SINHCAF: variants seen among roughly 807,000 people sequenced by gnomAD.
SINHCAF encodes the protein SIN3-HDAC complex-associated factor.
Under a neutral mutation model 25.8 loss-of-function variants are expected in SINHCAF, and 3 were observed. The ratio of observed to expected loss-of-function variants is 0.12; its 90% CI spans 0.05 to 0.30. The LOEUF (loss-of-function observed/expected upper bound fraction) is 0.30. Ranked by LOEUF, SINHCAF falls within the 10% of genes least tolerant of loss-of-function variation. SINHCAF has a pLI of 1.00. For synonymous variants in SINHCAF, 70 were observed against 85.5 expected, an observed-to-expected ratio of 0.82 and a Z score of 1.00; for missense variants, 121 against 262.3, an observed-to-expected ratio of 0.46 and a Z score of 3.72.
intron 1 of SINHCAF, among the ~76,000 whole-genome samples, chr12:31,321,024 C>T (rs1004888885): frequency 1.3e-5 from 2 of 152,192 alleles, no homozygotes; most frequent in Admixed American, 1.3e-4. Flanking sequence ...TATGTAACAG[C>T]GGTGTACCTG....
intron 5 of SINHCAF, among the ~76,000 whole-genome samples, chr12:31,286,005 CA>C (rs1278581755): frequency 6.6e-6 from 1 of 150,878 alleles, no homozygotes; most frequent in African/African-American, 2.4e-5. Flanking sequence ...TAAATAAATG[CA>C]AACAAAGTGG....
chr12:31,282,029 G>A lies in SINHCAF; in HGVS notation c.*683C>T, dbSNP rs1350948506. 1.3e-5 allele frequency: 2 copies of A among 152,502 alleles called. No individual in the cohort carries two copies. The highest frequency in any genetic ancestry group is 4.8e-5 in the African/African-American group (2 of 41,398). The allele number at this position is 152,502 out of a possible 1,614,324, so 9.4% of individuals were successfully genotyped here. A position where few individuals can be genotyped will look rare whatever the true frequency, so the allele number is the denominator to read the frequency against. On this transcript the variant is annotated 3_prime_UTR_variant, in exon 6 of 6. Transcript: ENST00000337682. Reference sequence around the variant, plus strand: ...CCTCTAGGGGCAAGTTCATGTTACTGAGTTATGACAAATTTATTATCATGA... The same window carrying A: ...CCTCTAGGGGCAAGTTCATGTTACTAAGTTATGACAAATTTATTATCATGA...
intron 1 of SINHCAF, among the ~76,000 whole-genome samples, chr12:31,320,768 A>G (rs1939666506): frequency 6.6e-6 from 1 of 152,106 alleles, no homozygotes; most frequent in Admixed American, 6.5e-5. Flanking sequence ...TTGCAGGAAA[A>G]AAAACCTGAG....
chr12:31,289,460 A>G (rs1053074859), intron 4 of SINHCAF, among the ~76,000 whole-genome samples: 1 of 152,252 alleles, frequency 6.6e-6, no homozygotes, highest in Non-Finnish European at 1.5e-5. Flanking sequence ...TCCTGATTTA[A>G]TAAGGAATAA....
chr12:31,316,680 GAA>G (rs1272613141), intron 1 of SINHCAF, among the ~76,000 whole-genome samples: 1 of 152,128 alleles, frequency 6.6e-6, no homozygotes, highest in Non-Finnish European at 1.5e-5. Flanking sequence ...CGCTATTTAA[GAA>G]AAGTTTTCTG....
Position 31,321,456 on chromosome 12 carries a change from G to A in SINHCAF, c.-21+4568C>T, listed in dbSNP as rs60364447. Among the ~76,000 whole-genome samples, 925 of 152,258 alleles carry A rather than the reference G, an allele frequency of 6.1e-3. 13 individuals are homozygous for A. Among genetic ancestry groups the A allele is most frequent in the African/African-American group, 0.021 (878 of 41,558 alleles). On this transcript the variant is annotated intron_variant, in intron 1 of 5. Coordinates refer to ENST00000337682, the MANE Select transcript of SINHCAF (RefSeq NM_001135812.2). ...ATTTACTTAATGTTTCCCCAGAAACGATAACTGACACAGGCCTCAGTTTTA... is the reference window on the plus strand; with the variant it reads ...ATTTACTTAATGTTTCCCCAGAAACAATAACTGACACAGGCCTCAGTTTTA...
intron 4 of SINHCAF, among the ~76,000 whole-genome samples, chr12:31,290,064 G>A (rs1336207263): frequency 1.3e-5 from 2 of 152,114 alleles, no homozygotes; most frequent in African/African-American, 4.8e-5. Flanking sequence ...CTAGCCTCAA[G>A]CGATCCTCCC....
intron 4 of SINHCAF, 82 bp from the exon 5 acceptor site, chr12:31,287,866 TGAAA>T (rs1228444516): frequency 2.1e-6 from 2 of 963,006 alleles, no homozygotes; most frequent in Non-Finnish European, 2.9e-6. Flanking sequence ...TAAGACACTG[TGAAA>T]GAGTTGGTAA....
intron 1 of SINHCAF, among the ~76,000 whole-genome samples, chr12:31,315,499 A>G (rs1201590415): frequency 6.6e-6 from 1 of 152,204 alleles, no homozygotes; most frequent in Non-Finnish European, 1.5e-5. Context: ...GACACCATCT[A>G]TCATCATCTA....
Position 31,287,749 on chromosome 12 carries a change from G to A in SINHCAF, c.391C>T (p.Pro131Ser). 1.2e-6 allele frequency: 2 copies of A among 1,609,298 alleles called. No homozygotes were observed. The highest frequency in any genetic ancestry group is 1.7e-6 in the Non-Finnish European group (2 of 1,177,128). The change falls in exon 5 of 6, where the codon CCA (proline) becomes TCA (serine). Residue 131 changes from proline (P) to serine (S), a missense_variant. Coordinates refer to ENST00000337682, the MANE Select transcript of SINHCAF (RefSeq NM_001135812.2). ...TTACTGTAACAAGGAGATTGAGCTGGGGAGGCACTTGAGGTGGTACTGTGA... is the reference window on the plus strand; with the variant it reads ...TTACTGTAACAAGGAGATTGAGCTGAGGAGGCACTTGAGGTGGTACTGTGA... The part of the protein sequence containing the change: ...DAHSTTSSAS[P>S]AQSPCYSNQS...
chr12:31,323,399 C>G (rs1452096882), intron 1 of SINHCAF, among the ~76,000 whole-genome samples: 1 of 152,026 alleles, frequency 6.6e-6, no homozygotes, highest in Non-Finnish European at 1.5e-5. Flanking sequence ...ATAACAAGGT[C>G]AAATTCATTT....
chr12:31,287,817 T>C (rs1792917354), intron 4 of SINHCAF, 33 bp from the exon 5 acceptor site: 1 of 1,519,678 alleles, frequency 6.6e-7, no homozygotes, highest in Non-Finnish European at 9.0e-7. Flanking sequence ...AAATAAAATT[T>C]TCAATTTCAT....
At chr12:31,287,294 C>T (rs1234538233) in intron 5 of SINHCAF, among the ~76,000 whole-genome samples, 1 of 152,108 alleles carries the variant, frequency 6.6e-6, no homozygotes, top group Non-Finnish European at 1.5e-5. Context: ...TGTGTATTAT[C>T]TCCTTTTCCT....
intron 4 of SINHCAF, among the ~76,000 whole-genome samples, chr12:31,292,007 T>C (rs1938350412): frequency 6.6e-6 from 1 of 152,208 alleles, no homozygotes; most frequent in African/African-American, 2.4e-5. Context: ...AAGGAATTTA[T>C]TTTCAGTCTC....
At chr12:31,319,150 A>T (rs1449296313) in intron 1 of SINHCAF, among the ~76,000 whole-genome samples, 1 of 152,206 alleles carries the variant, frequency 6.6e-6, no homozygotes, top group Non-Finnish European at 1.5e-5. Context: ...TGTTAAGAAA[A>T]TGGATACATG....
intron 4 of SINHCAF, among the ~76,000 whole-genome samples, chr12:31,289,183 T>C (rs1204385278): frequency 6.6e-6 from 1 of 152,016 alleles, no homozygotes; most frequent in African/African-American, 2.4e-5. Context: ...CAAACATACA[T>C]CTACATTCAT....
intron 1 of SINHCAF, chr12:31,298,499 C>A: frequency 2.8e-6 from 1 of 356,510 alleles, no homozygotes; most frequent in South Asian, 3.0e-5. Flanking sequence ...GGAAGAGAAG[C>A]ATTTTTTAAA....
intron 1 of SINHCAF, among the ~76,000 whole-genome samples, chr12:31,306,402 G>C (rs1939026748): frequency 6.6e-6 from 1 of 152,080 alleles, no homozygotes. Flanking sequence ...ATTCCAATGG[G>C]TCAAGCTGTA....
chr12:31,318,488 C>A (rs1939577998), intron 1 of SINHCAF, among the ~76,000 whole-genome samples: 1 of 152,132 alleles, frequency 6.6e-6, no homozygotes, highest in East Asian at 1.9e-4. Context: ...GGAATCCACA[C>A]TTGGCAGAAG....
Sources: gnomAD v4.1 joint callset for allele counts (sites outside exome capture counted in the v4.1 genomes callset) on GRCh38, gnomAD v4.1.1 for gene constraint, MANE v1.5 for transcripts, NCBI Gene and HGNC (gene_info 2026-07-23, HGNC 2026-07-21) for gene names.